Variants in MDN1 observed in about 807,000 individuals in gnomAD.
MDN1 encodes midasin AAA ATPase 1, also known as midasin.
A neutral mutation model predicts 669.2 loss-of-function variants in MDN1; 266 were observed. That is an observed-to-expected ratio of 0.40 (90% CI 0.36 to 0.44). MDN1 has a LOEUF of 0.44. MDN1 is among the 20% of genes least tolerant of loss of function. The pLI, the probability that MDN1 is intolerant of heterozygous loss-of-function variation, is 1.00. For synonymous variants in MDN1, 2,385 were observed against 2,457.1 expected (o/e 0.97, Z 0.87); for missense variants, 5,940 against 6,754.0 (o/e 0.88, Z 4.22).
chr6:89,712,292 A>G, intron 48 of MDN1, 36 bp from the exon 49 acceptor site: 1 of 1,523,732 alleles, frequency 6.6e-7, no homozygotes, highest in Non-Finnish European at 9.0e-7. Context: ...TCAGTACTAG[A>G]ATAACCTTTT....
chr6:89,778,992 T>A lies in MDN1; in HGVS notation c.1725+1220A>T, dbSNP rs1260630814. On this transcript the variant is annotated intron_variant, in intron 11 of 101. Transcript: ENST00000369393. ...TAAAATAAGCCAAAGAAAAAAAAAA[T>A]TTTACAGGTGTAGAATCTGCATATA... 3.3e-5 allele frequency among the ~76,000 whole-genome samples: 5 copies of A among 149,992 alleles called. 1 individual carries two copies. The highest frequency in any genetic ancestry group is 5.9e-5 in the Non-Finnish European group (4 of 67,434).
chr6:89,664,472 C>T lies in MDN1; in HGVS notation c.14236+15G>A, dbSNP rs781696026. ...GCTTTCAAAAACAAGAATGAAGTGA[C>T]AGATAATCTGAAACCTTGTTCTTCA... On this transcript the variant is annotated intron_variant, in intron 85 of 101. Coordinates refer to ENST00000369393, the MANE Select transcript of MDN1 (RefSeq NM_014611.3). The T allele has an allele frequency of 6.2e-7, 1 of 1,612,202 alleles. No individual in the cohort carries two copies.
chr6:89,652,873 C>T, intron 94 of MDN1, 119 bp downstream of exon 94: 3 of 1,061,920 alleles, frequency 2.8e-6, no homozygotes, highest in East Asian at 2.6e-5. Flanking sequence ...GAACATGAAA[C>T]CCCTCAACAA....
Position 89,689,901 on chromosome 6 carries a change from T to G in MDN1, c.10992A>C (p.Ala3664=). ...SLFLSCYQTG[A]SLVTHFYPLM... is the part of the protein sequence containing the mutation. ...GGGGGTAGAAGTGTGTCACAAGCGA[T>G]GCCCCAGTCTGATAGCAAGACAGAA... Residue 3664 remains alanine, a synonymous_variant, in exon 65 of 102, where the codon GCA becomes GCC. Coordinates refer to ENST00000369393, the MANE Select transcript of MDN1 (RefSeq NM_014611.3). The G allele has an allele frequency of 1.2e-6, 2 of 1,614,184 alleles. No individual in the cohort carries two copies. The highest frequency in any genetic ancestry group is 1.7e-5 in the Admixed American group (1 of 60,018).
chr6:89,688,402 C>T lies in MDN1; in HGVS notation c.11259+171G>A, dbSNP rs1812162493. Among the ~76,000 whole-genome samples, 4 of 152,148 alleles carry T rather than the reference C, an allele frequency of 2.6e-5. No homozygotes were observed. In the South Asian group the frequency reaches 8.3e-4, roughly 32 times the overall value. Reference sequence around the variant, plus strand: ...TCATTTACACAAGAGAAATACAAAACTGGTGTGTTCATCCTGCAGTTAGTA... The same window carrying T: ...TCATTTACACAAGAGAAATACAAAATTGGTGTGTTCATCCTGCAGTTAGTA... On this transcript the variant is annotated intron_variant, in intron 66 of 101. Coordinates refer to ENST00000369393, the MANE Select transcript of MDN1 (RefSeq NM_014611.3).
chr6:89,810,110 A>G (rs919861498), intron 1 of MDN1, among the ~76,000 whole-genome samples: 1 of 150,990 alleles, frequency 6.6e-6, no homozygotes, highest in Non-Finnish European at 1.5e-5. Context: ...AATTTCCTGG[A>G]GCTGTCATAA....
In MDN1 at chr6:89,673,358, T is replaced by C; in HGVS notation, c.13352A>G (p.Glu4451Gly). ...TAGTGCCATTTGTGAGTCTCTTTGC[T>C]CAACCTCCATCCCTGGAAGAATGAA... ...SLFILPGMEVEQRDSQMALVE... is the reference protein window; with the variant it reads ...SLFILPGMEVGQRDSQMALVE... The change falls in exon 80 of 102, where the codon GAG (glutamate) becomes GGG (glycine). Residue 4451 changes from glutamate (E) to glycine (G), a missense_variant. Physicochemically the swap from Glu to Gly is moderately conservative, Grantham distance 98 (BLOSUM62 -2). Transcript: ENST00000369393. 6.2e-7 allele frequency: 1 copy of C among 1,614,186 alleles called. No homozygotes were observed.
At chr6:89,737,029 C>A (rs764925281) in intron 33 of MDN1, among the ~76,000 whole-genome samples, 22 of 152,118 alleles carry the variant, frequency 1.4e-4, no homozygotes, top group Non-Finnish European at 2.9e-4. Flanking sequence ...TCAACAAGCC[C>A]TCCAAATGAG....
intron 40 of MDN1, among the ~76,000 whole-genome samples, chr6:89,721,967 T>C (rs1371582251): frequency 6.6e-6 from 1 of 152,170 alleles, no homozygotes; most frequent in East Asian, 1.9e-4. Flanking sequence ...CAGTGAAGTT[T>C]ACTAGAAGGA....
intron 1 of MDN1, among the ~76,000 whole-genome samples, chr6:89,812,160 A>G (rs1213997158): frequency 6.6e-6 from 1 of 151,444 alleles, no homozygotes; most frequent in East Asian, 2.0e-4. Flanking sequence ...TAATTTTTGT[A>G]TTTTTAGTAG....
At position 89,718,357 on chromosome 6, in the gene MDN1, T is replaced by C. The variant is rs1409550901; in HGVS notation, c.6583+9A>G. On this transcript the variant is annotated intron_variant, in intron 43 of 101. Coordinates refer to ENST00000369393, the MANE Select transcript of MDN1 (RefSeq NM_014611.3). ...TAAGTTCCTGATACAGAGATCCAAA[T>C]ATACATACCTGCCTTGCAGTATGAG... 1 of 1,611,552 alleles carries C rather than the reference T, an allele frequency of 6.2e-7. No homozygotes were observed. The highest frequency in any genetic ancestry group is 8.5e-7 in the Non-Finnish European group (1 of 1,178,872).
Position 89,648,340 on chromosome 6 carries a change from G to T in MDN1, c.16207-11C>A. ...AGATTCAAATGCAAGCTGTGAATTAGAAAGTTAATGATTTTAGGAATCAGA... is the reference window on the plus strand; with the variant it reads ...AGATTCAAATGCAAGCTGTGAATTATAAAGTTAATGATTTTAGGAATCAGA... On this transcript the variant is annotated splice_polypyrimidine_tract_variant and intron_variant, in intron 97 of 101. Transcript: ENST00000369393. 1 of 1,612,196 alleles carries T rather than the reference G, an allele frequency of 6.2e-7. No homozygotes were observed. Among genetic ancestry groups the T allele is most frequent in the Non-Finnish European group, 8.5e-7 (1 of 1,178,252 alleles).
In MDN1 at chr6:89,693,086, G is replaced by T. The variant is rs138771967; in HGVS notation, c.9944C>A (p.Ala3315Asp). Reference sequence around the variant, plus strand: ...GTAGGCAGGCAGCTGGGGTCTAAAGGCCTGTTTCTTCAACAGGTGACAGGT... The same window carrying T: ...GTAGGCAGGCAGCTGGGGTCTAAAGTCCTGTTTCTTCAACAGGTGACAGGT... The part of the protein sequence containing the change: ...NLTCHLLKKQ[A>D]FRPQLPAYES... Residue 3315 changes from alanine (A) to aspartate (D), a missense_variant, in exon 63 of 102, where the codon GCC becomes GAC. Coordinates refer to ENST00000369393, the MANE Select transcript of MDN1 (RefSeq NM_014611.3). 2.5e-6 allele frequency: 4 copies of T among 1,613,560 alleles called. No homozygotes were observed. Among genetic ancestry groups the T allele is most frequent in the South Asian group, 1.1e-5 (1 of 91,000 alleles).
intron 73 of MDN1, among the ~76,000 whole-genome samples, chr6:89,681,467 C>T (rs540762731): frequency 2.0e-5 from 3 of 152,134 alleles, no homozygotes; most frequent in Non-Finnish European, 4.4e-5. Context: ...AGCCACCGCA[C>T]CTCAGACACA....
rs576257128 is a variant in MDN1, at chr6:89,752,767, T to C, written c.3075+745A>G. Among the ~76,000 whole-genome samples the C allele has an allele frequency of 5.1e-4, 78 of 152,278 alleles. 1 individual carries two copies. The highest frequency in any genetic ancestry group is 1.8e-3 in the African/African-American group (75 of 41,546). On this transcript the variant is annotated intron_variant, in intron 22 of 101. Transcript: ENST00000369393. ...GTGGCCCTTAGAAGGCATGTCACAA[T>C]GAACTCTGGTACAAAAACAAAAATA...
chr6:89,729,465 C>T (rs1815432151), intron 35 of MDN1, among the ~76,000 whole-genome samples: 2 of 152,104 alleles, frequency 1.3e-5, no homozygotes, highest in Non-Finnish European at 2.9e-5. Flanking sequence ...TACAATTTAC[C>T]TTCATAGTTA....
chr6:89,802,442 T>G (rs1767726788), intron 2 of MDN1, among the ~76,000 whole-genome samples: 1 of 152,230 alleles, frequency 6.6e-6, no homozygotes, highest in South Asian at 2.1e-4. Flanking sequence ...CCCAACACTT[T>G]GGGAGGTCGA....
chr6:89,737,261 A>G (rs1816034978), intron 33 of MDN1, among the ~76,000 whole-genome samples: 1 of 152,186 alleles, frequency 6.6e-6, no homozygotes. Context: ...AAAACACCAC[A>G]GGTGAGAATG....
intron 1 of MDN1, among the ~76,000 whole-genome samples, chr6:89,810,009 A>AT (rs1280126995): frequency 0.081 from 11,911 of 146,152 alleles, 820 homozygotes; most frequent in Non-Finnish European, 0.12. Context: ...AAAAAAAAAA[A>AT]AAAAAAAAAA....
Sources: gnomAD v4.1 joint callset for allele counts (sites outside exome capture counted in the v4.1 genomes callset) on GRCh38, gnomAD v4.1.1 for gene constraint, MANE v1.5 for transcripts, NCBI Gene and HGNC (gene_info 2026-07-23, HGNC 2026-07-21) for gene names.